CGNL1: variants seen among roughly 807,000 people sequenced by gnomAD.
CGNL1 encodes cingulin-like protein 1.
In CGNL1, 132 loss-of-function variants were observed where a neutral mutation model predicts 141.2. The ratio of observed to expected loss-of-function variants is 0.93; its 90% CI spans 0.81 to 1.08. CGNL1 has a LOEUF of 1.08. Among genes scored for constraint, CGNL1 ranks in the 50% least tolerant of loss-of-function variants. CGNL1 has a pLI of 0.00. For synonymous variants in CGNL1, 690 were observed against 622.1 expected, an observed-to-expected ratio of 1.11 and a Z score of -1.63; for missense variants, 1,870 against 1,588.6, an observed-to-expected ratio of 1.18 and a Z score of -3.01.
At chr15:57,520,994 C>T (rs560115435) in intron 10 of CGNL1, among the ~76,000 whole-genome samples, 2 of 152,292 alleles carry the variant, frequency 1.3e-5, no homozygotes, top group African/African-American at 4.8e-5. Context: ...ACTCACCCTA[C>T]ATCTACCCGT....
chr15:57,472,936 G>A (rs1183745958), intron 8 of CGNL1, among the ~76,000 whole-genome samples: 4 of 152,212 alleles, frequency 2.6e-5, no homozygotes, highest in East Asian at 3.8e-4. Context: ...AGAAAGTAAC[G>A]TAGTGGGGTG....
chr15:57,406,374 G>GT (rs2062723351), intron 1 of CGNL1, among the ~76,000 whole-genome samples: 1 of 152,236 alleles, frequency 6.6e-6, no homozygotes, highest in Middle Eastern at 3.4e-3. Context: ...GAGGGAGGGA[G>GT]TGAGGGTGGG....
At chr15:57,440,650 G>T (rs1595707956) in intron 3 of CGNL1, among the ~76,000 whole-genome samples, 179 bp downstream of exon 3, 1 of 152,030 alleles carries the variant, frequency 6.6e-6, no homozygotes, top group Non-Finnish European at 1.5e-5. Context: ...ATGGGGTGGG[G>T]GCTTTGGGAG....
chr15:57,450,833 A>G (rs1159501728), intron 4 of CGNL1, among the ~76,000 whole-genome samples: 3 of 152,150 alleles, frequency 2.0e-5, no homozygotes, highest in African/African-American at 7.2e-5. Context: ...TATCATGGCA[A>G]AACCAGAATT....
rs563110345 is a variant in CGNL1 at position 57,446,217 on chromosome 15, A to G, written c.1803+3739A>G. The stretch of plus-strand genomic sequence containing the variant: ...TGTTTTTATATTGTTTTATTGGGGT[A>G]TAACTTATATAAAGTAAATTACACA... On this transcript the variant is annotated intron_variant, in intron 4 of 18. Transcript: ENST00000281282. Among the ~76,000 whole-genome samples the G allele has an allele frequency of 4.3e-4, 65 of 152,304 alleles. 1 individual carries two copies. Among genetic ancestry groups the G allele is most frequent in the African/African-American group, 1.4e-3 (60 of 41,556 alleles).
At chr15:57,431,240 G>A (rs1309865774) in intron 1 of CGNL1, among the ~76,000 whole-genome samples, 1 of 152,196 alleles carries the variant, frequency 6.6e-6, no homozygotes, top group African/African-American at 2.4e-5. Flanking sequence ...ATCCTGAACT[G>A]TGTGAAACAG....
At chr15:57,493,587 T>C (rs916068940) in intron 8 of CGNL1, among the ~76,000 whole-genome samples, 7 of 152,192 alleles carry the variant, frequency 4.6e-5, no homozygotes, top group African/African-American at 1.7e-4. Context: ...TGCTGTTTCT[T>C]TTTCTTTCCG....
At chr15:57,413,326 G>T (rs2062813633) in intron 1 of CGNL1, among the ~76,000 whole-genome samples, 1 of 141,340 alleles carries the variant, frequency 7.1e-6, no homozygotes, top group African/African-American at 2.6e-5. Context: ...ATGCTGGAGT[G>T]CAGTGGCATG....
chr15:57,439,625 T>A, intron 2 of CGNL1, 24 bp downstream of exon 2: 3 of 1,599,588 alleles, frequency 1.9e-6, no homozygotes, highest in Non-Finnish European at 1.7e-6. Flanking sequence ...GATTCCTGTT[T>A]GGTTTTTTTT....
At chr15:57,472,460 G>C (rs146101328) in intron 8 of CGNL1, among the ~76,000 whole-genome samples, 1 of 152,168 alleles carries the variant, frequency 6.6e-6, no homozygotes, top group Non-Finnish European at 1.5e-5. Flanking sequence ...GTGTTTTTGT[G>C]GGGGAGTGTG....
chr15:57,448,812 C>A (rs561750235), intron 4 of CGNL1, among the ~76,000 whole-genome samples: 20 of 151,912 alleles, frequency 1.3e-4, no homozygotes, highest in African/African-American at 4.3e-4. Flanking sequence ...TACTTCTTTG[C>A]ATGTCTAAGG....
intron 7 of CGNL1, among the ~76,000 whole-genome samples, chr15:57,457,027 T>C (rs1288098538): frequency 3.3e-5 from 5 of 152,206 alleles, no homozygotes; most frequent in Non-Finnish European, 5.9e-5. Flanking sequence ...AAAAATACCA[T>C]GATTCTCACC....
intron 1 of CGNL1, among the ~76,000 whole-genome samples, chr15:57,407,693 G>T (rs1327946701): frequency 1.3e-5 from 2 of 151,898 alleles, no homozygotes; most frequent in African/African-American, 2.4e-5. Context: ...AGGCAGGGTG[G>T]TGGGGCTTGA....
intron 1 of CGNL1, among the ~76,000 whole-genome samples, chr15:57,424,527 C>T (rs1211323468): frequency 6.6e-6 from 1 of 152,176 alleles, no homozygotes; most frequent in Non-Finnish European, 1.5e-5. Flanking sequence ...TTAGTAATTA[C>T]ATAAAGCATT....
chr15:57,441,283 T>C (rs2063183901), intron 3 of CGNL1, among the ~76,000 whole-genome samples: 1 of 152,208 alleles, frequency 6.6e-6, no homozygotes, highest in Non-Finnish European at 1.5e-5. Flanking sequence ...TTAATCTAGC[T>C]AAGAACTGGT....
intron 1 of CGNL1, among the ~76,000 whole-genome samples, chr15:57,424,252 A>C (rs1462008853): frequency 6.6e-6 from 1 of 152,158 alleles, no homozygotes; most frequent in Non-Finnish European, 1.5e-5. Context: ...CACACGGCTT[A>C]GATCTCATCT....
At chr15:57,455,176 T>C (rs559977711) in intron 7 of CGNL1, among the ~76,000 whole-genome samples, 12 of 152,336 alleles carry the variant, frequency 7.9e-5, no homozygotes, top group South Asian at 2.1e-4. Flanking sequence ...ACATTTTTTT[T>C]CCCTTTTTTG....
At chr15:57,521,458 G>A (rs1431594506) in intron 10 of CGNL1, among the ~76,000 whole-genome samples, 1 of 152,150 alleles carries the variant, frequency 6.6e-6, no homozygotes, top group Admixed American at 6.5e-5. Context: ...TTGGGGATAG[G>A]CATTCATTTT....
chr15:57,479,205 A>G (rs1045280390), intron 8 of CGNL1, among the ~76,000 whole-genome samples: 2 of 152,178 alleles, frequency 1.3e-5, no homozygotes, highest in Admixed American at 6.5e-5. Context: ...GTAAACATGC[A>G]TGTACTTTTG....
Sources: gnomAD v4.1 joint callset for allele counts (sites outside exome capture counted in the v4.1 genomes callset) on GRCh38, gnomAD v4.1.1 for gene constraint, MANE v1.5 for transcripts, NCBI Gene and HGNC (gene_info 2026-07-23, HGNC 2026-07-21) for gene names.